GPC5: variants seen among roughly 807,000 people sequenced by gnomAD.
The protein encoded by GPC5 is glypican 5, also known as glypican-5.
GPC5 carries 47 observed loss-of-function variants against 53.9 expected under a neutral mutation model. The observed-to-expected ratio is 0.87, with a 90% CI of 0.69 to 1.11. The LOEUF (loss-of-function observed/expected upper bound fraction) is 1.11. GPC5 is among the 50% of genes most tolerant of loss of function. The probability of loss-of-function intolerance (pLI) is 0.00; values close to 1 mark genes in which losing one functional copy is unlikely to be tolerated. For synonymous variants in GPC5, 286 were observed against 263.3 expected (o/e 1.09, Z -0.84); for missense variants, 748 against 713.1 (o/e 1.05, Z -0.56).
intron 7 of GPC5, among the ~76,000 whole-genome samples, chr13:92,740,683 G>A (rs962303901): frequency 1.3e-5 from 2 of 151,844 alleles, no homozygotes; most frequent in Non-Finnish European, 2.9e-5. Context: ...TAAAAGTTTG[G>A]TAGGATGTCT....
intron 7 of GPC5, among the ~76,000 whole-genome samples, chr13:92,385,526 A>T (rs1242538175): frequency 1.4e-5 from 2 of 141,150 alleles, no homozygotes; most frequent in African/African-American, 2.8e-5. Context: ...ATACATATGC[A>T]TATATACATA....
At chr13:92,756,073 A>T (rs1360065080) in intron 7 of GPC5, among the ~76,000 whole-genome samples, 2 of 151,990 alleles carry the variant, frequency 1.3e-5, no homozygotes, top group Admixed American at 6.6e-5. Flanking sequence ...TTGATGCAAA[A>T]ATCCTCAATA....
intron 6 of GPC5, among the ~76,000 whole-genome samples, chr13:92,055,965 AT>A: frequency 6.6e-6 from 1 of 152,004 alleles, no homozygotes; most frequent in African/African-American, 2.4e-5. Context: ...ATTAGTTTAA[AT>A]TTTTTTCTAA....
At chr13:91,504,986 A>G (rs1024518522) in intron 2 of GPC5, among the ~76,000 whole-genome samples, 1 of 152,120 alleles carries the variant, frequency 6.6e-6, no homozygotes, top group African/African-American at 2.4e-5. Flanking sequence ...ACCAAACAGA[A>G]AACCTGGAAA....
intron 7 of GPC5, among the ~76,000 whole-genome samples, chr13:92,150,773 G>T (rs2041901364): frequency 6.6e-6 from 1 of 151,852 alleles, no homozygotes; most frequent in South Asian, 2.1e-4. Context: ...AGATCACTCA[G>T]CTGTTCTGTA....
At chr13:92,795,363 C>T (rs888163059) in intron 7 of GPC5, among the ~76,000 whole-genome samples, 1 of 152,112 alleles carries the variant, frequency 6.6e-6, no homozygotes, top group Admixed American at 6.6e-5. Flanking sequence ...CCCTTCCGTA[C>T]ACCTTATACA....
rs116223087 is a variant in GPC5 at position 91,459,076 on chromosome 13, G to A, written c.325+10154G>A. On this transcript the variant is annotated intron_variant, in intron 2 of 7. Coordinates refer to ENST00000377067, the MANE Select transcript of GPC5 (RefSeq NM_004466.6). ...ACTCGTGAGGAAGGGTGGGAGGGGGGTGAGGGATAAAAGACTACACTGGGT... is the reference window on the plus strand; with the variant it reads ...ACTCGTGAGGAAGGGTGGGAGGGGGATGAGGGATAAAAGACTACACTGGGT... 2.7e-3 allele frequency among the ~76,000 whole-genome samples: 415 copies of A among 152,034 alleles called. 2 individuals are homozygous for A. The highest frequency in any genetic ancestry group is 9.6e-3 in the African/African-American group (397 of 41,496).
chr13:92,389,650 C>G (rs1395203528), intron 7 of GPC5, among the ~76,000 whole-genome samples: 1 of 152,094 alleles, frequency 6.6e-6, no homozygotes, highest in Non-Finnish European at 1.5e-5. Context: ...ACACTGCTAA[C>G]TACTAGTAGG....
intron 7 of GPC5, among the ~76,000 whole-genome samples, chr13:92,698,491 T>G (rs1188893617): frequency 1.3e-5 from 2 of 152,204 alleles, no homozygotes; most frequent in Admixed American, 1.3e-4. Flanking sequence ...ACAAAGGACA[T>G]GAACTCATCA....
chr13:91,802,500 G>C (rs1438729942), intron 5 of GPC5, among the ~76,000 whole-genome samples: 1 of 152,154 alleles, frequency 6.6e-6, no homozygotes, highest in East Asian at 1.9e-4. Flanking sequence ...CAGCATGGAA[G>C]GGGACCCAAG....
chr13:92,715,972 G>A (rs932419819), intron 7 of GPC5, among the ~76,000 whole-genome samples: 4 of 152,074 alleles, frequency 2.6e-5, no homozygotes, highest in Non-Finnish European at 4.4e-5. Context: ...TTAACATGTA[G>A]TTTACTTATT....
chr13:92,312,573 T>A (rs1479787323), intron 7 of GPC5, among the ~76,000 whole-genome samples: 1 of 152,216 alleles, frequency 6.6e-6, no homozygotes, highest in Admixed American at 6.5e-5. Context: ...CTTAATATTT[T>A]ACACTGGATA....
chr13:91,872,213 G>T (rs1211333638), intron 5 of GPC5, among the ~76,000 whole-genome samples: 2 of 152,042 alleles, frequency 1.3e-5, no homozygotes, highest in African/African-American at 4.8e-5. Context: ...GTAGGCTAAG[G>T]AGTACAGTAG....
chr13:91,710,160 AT>A (rs1933332216), intron 3 of GPC5, among the ~76,000 whole-genome samples: 1 of 152,198 alleles, frequency 6.6e-6, no homozygotes, highest in South Asian at 2.1e-4. Flanking sequence ...TCATTTGTTT[AT>A]CCCCAGTGAT....
intron 3 of GPC5, among the ~76,000 whole-genome samples, chr13:91,725,809 A>C (rs1224879136): frequency 1.3e-5 from 2 of 152,194 alleles, no homozygotes; most frequent in African/African-American, 4.8e-5. Flanking sequence ...TGAACTCATA[A>C]CTTCAAAGTC....
chr13:92,821,478 C>T (rs1877672095), intron 7 of GPC5, among the ~76,000 whole-genome samples: 1 of 152,084 alleles, frequency 6.6e-6, no homozygotes, highest in Admixed American at 6.6e-5. Context: ...CTCAGTAGCA[C>T]CTGGCTGTGC....
chr13:91,615,148 A>G (rs2033660786), intron 2 of GPC5, among the ~76,000 whole-genome samples: 1 of 152,206 alleles, frequency 6.6e-6, no homozygotes. Flanking sequence ...GTTTTAATTA[A>G]GATAAAGGTT....
intron 6 of GPC5, among the ~76,000 whole-genome samples, chr13:91,910,378 T>A (rs1286097424): frequency 6.6e-6 from 1 of 152,250 alleles, no homozygotes. Flanking sequence ...AGTAGGGCCA[T>A]GGAAGACGTC....
At chr13:92,204,538 C>T (rs1205089844) in intron 7 of GPC5, among the ~76,000 whole-genome samples, 1 of 152,126 alleles carries the variant, frequency 6.6e-6, no homozygotes, top group African/African-American at 2.4e-5. Flanking sequence ...GGGAAAAGTC[C>T]ACACAACACT....
Sources: gnomAD v4.1 joint callset for allele counts (sites outside exome capture counted in the v4.1 genomes callset) on GRCh38, gnomAD v4.1.1 for gene constraint, MANE v1.5 for transcripts, NCBI Gene and HGNC (gene_info 2026-07-23, HGNC 2026-07-21) for gene names.